The following SERGEF variants were observed in gnomAD, a reference collection of about 807,000 sequenced individuals.
The protein encoded by SERGEF is secretion-regulating guanine nucleotide exchange factor.
In SERGEF, 51 loss-of-function variants were observed where a neutral mutation model predicts 50.0. That is an observed-to-expected ratio of 1.02 (90% confidence interval 0.81 to 1.29). The LOEUF (loss-of-function observed/expected upper bound fraction) is 1.29, where lower values mean the gene tolerates loss of function less well. SERGEF is among the 50% of genes most tolerant of loss of function. The pLI, the probability that SERGEF is intolerant of heterozygous loss-of-function variation, is 0.00. For synonymous variants in SERGEF, 205 were observed against 212.4 expected (o/e 0.97, Z 0.30); for missense variants, 521 against 557.0 (o/e 0.94, Z 0.65).
chr11:17,932,507 T>C (rs910649228), intron 9 of SERGEF, among the ~76,000 whole-genome samples: 6 of 152,160 alleles, frequency 3.9e-5, no homozygotes, highest in East Asian at 1.9e-4. Flanking sequence ...AAAATAAATG[T>C]GTGCACATAT....
At position 17,849,780 on chromosome 11, in the gene SERGEF, A is replaced by G. The variant is rs143006677; in HGVS notation, c.1048+28428T>C. ...AGGAATCTTAGGACCTGAGAGATTA[A>G]TTTATTCACGGTCAATACCATCAGT... On this transcript the variant is annotated intron_variant, in intron 10 of 10. Coordinates refer to ENST00000265965, the MANE Select transcript of SERGEF (RefSeq NM_012139.4). Among the ~76,000 whole-genome samples the G allele has an allele frequency of 8.5e-5, 13 of 152,350 alleles. 1 individual carries two copies. In the East Asian group the frequency reaches 2.5e-3, roughly 29 times the overall value.
chr11:17,869,767 T>A (rs1258815601), intron 10 of SERGEF, among the ~76,000 whole-genome samples: 1 of 152,154 alleles, frequency 6.6e-6, no homozygotes, highest in Non-Finnish European at 1.5e-5. Flanking sequence ...AGGCAAAGGA[T>A]ATTGAGGTAG....
At chr11:18,005,841 G>A (rs2191091) in intron 3 of SERGEF, among the ~76,000 whole-genome samples, 49,567 of 149,184 alleles carry the variant, frequency 0.33, 9,139 homozygotes, top group East Asian at 0.49. Context: ...AACACATTTA[G>A]AAAAAAAAAA....
intron 10 of SERGEF, among the ~76,000 whole-genome samples, chr11:17,823,643 C>T (rs1338953414): frequency 1.3e-5 from 2 of 152,110 alleles, no homozygotes; most frequent in African/African-American, 4.8e-5. Context: ...GCCCTACAGT[C>T]AAGCACGGGG....
intron 9 of SERGEF, among the ~76,000 whole-genome samples, chr11:17,947,859 G>C (rs1852694111): frequency 6.6e-6 from 1 of 152,104 alleles, no homozygotes; most frequent in African/African-American, 2.4e-5. Flanking sequence ...AAAGTGCTTA[G>C]CATAATACAT....
intron 9 of SERGEF, among the ~76,000 whole-genome samples, chr11:17,934,119 C>T: frequency 6.6e-6 from 1 of 151,870 alleles, no homozygotes; most frequent in Non-Finnish European, 1.5e-5. Context: ...TATTGAGATA[C>T]TTAAATGAAA....
At chr11:17,848,320 T>C (rs556966150) in intron 10 of SERGEF, among the ~76,000 whole-genome samples, 1 of 152,274 alleles carries the variant, frequency 6.6e-6, no homozygotes, top group Middle Eastern at 3.4e-3. Context: ...CAGATATTCA[T>C]GGCGAGACAA....
intron 10 of SERGEF, among the ~76,000 whole-genome samples, chr11:17,866,205 C>T (rs1851019802): frequency 6.6e-6 from 1 of 152,172 alleles, no homozygotes; most frequent in African/African-American, 2.4e-5. Context: ...AGTGCTAGTC[C>T]CAGCTCTGCT....
intron 9 of SERGEF, among the ~76,000 whole-genome samples, chr11:17,904,121 G>A (rs1487475257): frequency 2.0e-5 from 3 of 152,194 alleles, no homozygotes; most frequent in Non-Finnish European, 4.4e-5. Context: ...AGGAGAAAAT[G>A]CAGCCCACTG....
intron 10 of SERGEF, among the ~76,000 whole-genome samples, chr11:17,867,160 A>G (rs1305636261): frequency 6.6e-6 from 1 of 152,216 alleles, no homozygotes; most frequent in Non-Finnish European, 1.5e-5. Context: ...CATTAACTCA[A>G]AAGTCCACAG....
intron 10 of SERGEF, among the ~76,000 whole-genome samples, chr11:17,803,502 T>G (rs1849707186): frequency 6.6e-6 from 1 of 152,256 alleles, no homozygotes; most frequent in African/African-American, 2.4e-5. Context: ...CTCTGTCACC[T>G]ACTGTATATA....
At chr11:17,792,408 G>A (rs1010442963) in intron 10 of SERGEF, among the ~76,000 whole-genome samples, 1 of 152,214 alleles carries the variant, frequency 6.6e-6, no homozygotes, top group African/African-American at 2.4e-5. Context: ...GGCACCAGCT[G>A]ACCGTCAGCA....
intron 10 of SERGEF, among the ~76,000 whole-genome samples, chr11:17,846,153 GT>G (rs1850606764): frequency 6.6e-6 from 1 of 152,164 alleles, no homozygotes; most frequent in South Asian, 2.1e-4. Flanking sequence ...AAGGTTGGTG[GT>G]GCCAGCAGCT....
chr11:17,969,898 A>C (rs1038848521), intron 8 of SERGEF, among the ~76,000 whole-genome samples: 5 of 152,238 alleles, frequency 3.3e-5, no homozygotes, highest in African/African-American at 4.8e-5. Context: ...ACACTATCTG[A>C]GCCAGAAGAA....
intron 9 of SERGEF, among the ~76,000 whole-genome samples, chr11:17,880,773 G>A (rs1243992860): frequency 1.3e-5 from 2 of 152,116 alleles, no homozygotes; most frequent in Non-Finnish European, 2.9e-5. Context: ...AGTAGTGGGG[G>A]AAAAGGATTT....
At chr11:17,960,466 T>C (rs16934821) in intron 8 of SERGEF, among the ~76,000 whole-genome samples, 3 of 152,328 alleles carry the variant, frequency 2.0e-5, no homozygotes, top group East Asian at 1.9e-4. Context: ...TGATGAGCCA[T>C]AGATTATTAA....
At chr11:17,864,892 C>A (rs1214583771) in intron 10 of SERGEF, among the ~76,000 whole-genome samples, 2 of 152,174 alleles carry the variant, frequency 1.3e-5, no homozygotes, top group Non-Finnish European at 2.9e-5. Context: ...CTCGTAGCAA[C>A]AGGACCCAGG....
intron 10 of SERGEF, among the ~76,000 whole-genome samples, chr11:17,821,492 A>G (rs1850081321): frequency 6.6e-6 from 1 of 152,160 alleles, no homozygotes; most frequent in Non-Finnish European, 1.5e-5. Flanking sequence ...CACCAGGTAG[A>G]CGGTAGGTGC....
chr11:17,829,564 A>C (rs1379210663), intron 10 of SERGEF, among the ~76,000 whole-genome samples: 1 of 152,216 alleles, frequency 6.6e-6, no homozygotes, highest in Non-Finnish European at 1.5e-5. Context: ...CAAAATAGTG[A>C]TTATTTATCT....
Sources: gnomAD v4.1 joint callset for allele counts (sites outside exome capture counted in the v4.1 genomes callset) on GRCh38, gnomAD v4.1.1 for gene constraint, MANE v1.5 for transcripts, NCBI Gene and HGNC (gene_info 2026-07-23, HGNC 2026-07-21) for gene names.